TACC2: variants seen among roughly 807,000 people sequenced by gnomAD.
The protein encoded by TACC2 is transforming acidic coiled-coil containing protein 2.
A neutral mutation model predicts 227.3 loss-of-function variants in TACC2; 137 were observed. That is an observed-to-expected ratio of 0.60 (90% CI 0.52 to 0.69). TACC2 has a LOEUF of 0.69. Among genes scored for constraint, TACC2 ranks in the 30% least tolerant of loss-of-function variants. TACC2 has a pLI of 0.00. For synonymous variants in TACC2, 1,523 were observed against 1,487.5 expected (o/e 1.02, Z -0.55); for missense variants, 3,470 against 3,694.4 (o/e 0.94, Z 1.57).
At chr10:122,183,652 C>T (rs766091792) in intron 7 of TACC2, among the ~76,000 whole-genome samples, 5 of 152,162 alleles carry the variant, frequency 3.3e-5, no homozygotes, top group Non-Finnish European at 5.9e-5. Context: ...TCTGCTGATT[C>T]GTTCCCCTGG....
chr10:122,102,067 T>C (rs1259327619), intron 5 of TACC2, among the ~76,000 whole-genome samples: 2 of 152,068 alleles, frequency 1.3e-5, no homozygotes. Flanking sequence ...TAGACGGTAT[T>C]GCCTACTACA....
intron 3 of TACC2, among the ~76,000 whole-genome samples, chr10:122,069,399 G>T (rs1294070568): frequency 6.6e-6 from 1 of 151,944 alleles, no homozygotes; most frequent in Non-Finnish European, 1.5e-5. Flanking sequence ...CCACCACTAC[G>T]CCCGGCTAAT....
chr10:122,042,750 C>T (rs1398446695), intron 2 of TACC2, among the ~76,000 whole-genome samples: 1 of 152,188 alleles, frequency 6.6e-6, no homozygotes, highest in Non-Finnish European at 1.5e-5. Flanking sequence ...GTGTAGAACC[C>T]AGAGACTTAC....
At chr10:122,208,780 C>T (rs758972015) in intron 8 of TACC2, among the ~76,000 whole-genome samples, 6 of 152,210 alleles carry the variant, frequency 3.9e-5, no homozygotes, top group South Asian at 2.1e-4. Context: ...ACATTGGAAA[C>T]GCTGTCCCAG....
chr10:122,056,403 G>A (rs549860789), intron 3 of TACC2, among the ~76,000 whole-genome samples: 2 of 152,328 alleles, frequency 1.3e-5, no homozygotes, highest in South Asian at 4.1e-4. Flanking sequence ...TCGAACTCTT[G>A]ACCTCAGGTG....
intron 11 of TACC2, among the ~76,000 whole-genome samples, chr10:122,222,005 A>G (rs2141252607): frequency 6.6e-6 from 1 of 152,312 alleles, no homozygotes; most frequent in Middle Eastern, 3.4e-3. Context: ...AATTACCAAA[A>G]GCAGCCCTCA....
intron 2 of TACC2, among the ~76,000 whole-genome samples, chr10:122,025,306 G>C (rs1034704590): frequency 6.6e-6 from 1 of 152,122 alleles, no homozygotes; most frequent in Non-Finnish European, 1.5e-5. Context: ...TGTCAGCTGG[G>C]CTGGAGTGCA....
At chr10:122,251,327 G>A (rs1159136282) in intron 22 of TACC2, among the ~76,000 whole-genome samples, 2 of 152,156 alleles carry the variant, frequency 1.3e-5, no homozygotes, top group Admixed American at 6.5e-5. Flanking sequence ...TCAACTACCT[G>A]TTTTGTAGGC....
Position 122,149,213 on chromosome 10 carries a change from C to A in TACC2, c.5834+5507C>A, listed in dbSNP as rs773567252. On this transcript the variant is annotated intron_variant, in intron 7 of 22. Transcript: ENST00000369005. Reference sequence around the variant, plus strand: ...CTGAGTGGGTGTGGGTGTGAGCCCACGCAAGCATCATCTCTGTTCAGAGTT... The same window carrying A: ...CTGAGTGGGTGTGGGTGTGAGCCCAAGCAAGCATCATCTCTGTTCAGAGTT... Among the ~76,000 whole-genome samples, 3 of 152,210 alleles carry A rather than the reference C, an allele frequency of 2.0e-5. No individual in the cohort carries two copies. In the South Asian group the frequency reaches 6.2e-4, roughly 31 times the overall value.
intron 1 of TACC2, among the ~76,000 whole-genome samples, chr10:122,006,961 C>T (rs1590959088): frequency 6.6e-6 from 1 of 150,806 alleles, no homozygotes; most frequent in Admixed American, 6.6e-5. Context: ...TCCCGGGTTC[C>T]AGTGATTCTC....
chr10:122,162,425 C>G (rs1448271527), intron 7 of TACC2, among the ~76,000 whole-genome samples: 1 of 152,208 alleles, frequency 6.6e-6, no homozygotes, highest in African/African-American at 2.4e-5. Context: ...GCTCACTGCC[C>G]TGTGGGTGAA....
chr10:122,123,164 G>A (rs1276545789), intron 5 of TACC2, among the ~76,000 whole-genome samples: 2 of 152,080 alleles, frequency 1.3e-5, no homozygotes, highest in African/African-American at 2.4e-5. Context: ...CAACACACCC[G>A]GCTAATTTTT....
At chr10:122,068,735 G>A (rs1356465922) in intron 3 of TACC2, among the ~76,000 whole-genome samples, 4 of 151,352 alleles carry the variant, frequency 2.6e-5, no homozygotes, top group African/African-American at 9.7e-5. Context: ...GCGATCTCGG[G>A]CCACTGCAAC....
intron 22 of TACC2, among the ~76,000 whole-genome samples, chr10:122,251,935 G>A (rs542454543): frequency 1.3e-5 from 2 of 152,216 alleles, no homozygotes; most frequent in Admixed American, 1.3e-4. Flanking sequence ...GTGATATCTA[G>A]GGGATAGTCC....
intron 3 of TACC2, among the ~76,000 whole-genome samples, chr10:122,058,107 C>T (rs987479657): frequency 3.3e-5 from 5 of 152,232 alleles, no homozygotes; most frequent in Admixed American, 6.5e-5. Flanking sequence ...GCACCCTCTG[C>T]GTCACCTTTT....
intron 8 of TACC2, among the ~76,000 whole-genome samples, chr10:122,199,260 C>T (rs1438494621): frequency 2.0e-5 from 3 of 152,268 alleles, no homozygotes; most frequent in South Asian, 2.1e-4. Flanking sequence ...ATCCAAGCAC[C>T]AGTGTCCTCG....
In TACC2 at chr10:122,101,822, T is replaced by C. The variant is rs184274708; in HGVS notation, c.5573+13231T>C. 3.6e-3 allele frequency among the ~76,000 whole-genome samples: 534 copies of C among 148,212 alleles called. 8 individuals carry two copies. Among genetic ancestry groups the C allele is most frequent in the African/African-American group, 0.013 (519 of 40,292 alleles). ...CTCCTGACCTTGTGATCTGCCTGCC[T>C]TGGCCTCCCGAAGTGCTGGGATTAC... On this transcript the variant is annotated intron_variant, in intron 5 of 22. Transcript: ENST00000369005.
intron 7 of TACC2, among the ~76,000 whole-genome samples, chr10:122,176,613 G>A (rs571881105): frequency 2.0e-5 from 3 of 152,016 alleles, no homozygotes; most frequent in South Asian, 4.1e-4. Context: ...GTGTGGCCTT[G>A]TAGATAACCA....
At chr10:122,223,746 T>C (rs141079487) in intron 11 of TACC2, among the ~76,000 whole-genome samples, 72 of 152,346 alleles carry the variant, frequency 4.7e-4, no homozygotes, top group African/African-American at 1.5e-3. Context: ...GCTATTTATC[T>C]TTATTTTCAT....
Sources: allele counts gnomAD v4.1 joint callset (sites outside exome capture counted in the v4.1 genomes callset), GRCh38; gene constraint gnomAD v4.1.1; transcripts MANE v1.5; gene names NCBI Gene and HGNC (gene_info 2026-07-23, HGNC 2026-07-21).